CCDC191: variants seen among roughly 807,000 people sequenced by gnomAD.
CCDC191 encodes coiled-coil domain containing 191.
In CCDC191, 99 loss-of-function variants were observed where a neutral mutation model predicts 114.0. The observed-to-expected ratio is 0.87, with a 90% CI of 0.74 to 1.03. CCDC191 has a LOEUF of 1.03. CCDC191 is among the 50% of genes least tolerant of loss of function. The pLI, the probability that CCDC191 is intolerant of heterozygous loss-of-function variation, is 0.00. For synonymous variants in CCDC191, 351 were observed against 376.0 expected (o/e 0.93, Z 0.77); for missense variants, 973 against 1,087.0 (o/e 0.90, Z 1.47).
intron 4 of CCDC191, among the ~76,000 whole-genome samples, chr3:114,040,803 C>G (rs1366490942): frequency 6.6e-6 from 1 of 152,000 alleles, no homozygotes; most frequent in African/African-American, 2.4e-5. Context: ...AAAGCTTACA[C>G]TTATCATTTT....
intron 8 of CCDC191, among the ~76,000 whole-genome samples, chr3:114,012,443 T>C (rs1165457170): frequency 2.0e-5 from 3 of 152,216 alleles, no homozygotes; most frequent in African/African-American, 7.2e-5. Flanking sequence ...AATAAAAGTA[T>C]AATATAGGTG....
In CCDC191 at chr3:113,998,992, A is replaced by C. The variant is rs114449735; in HGVS notation, c.2163+2603T>G. 3.6e-3 allele frequency among the ~76,000 whole-genome samples: 553 copies of C among 152,258 alleles called. 4 individuals are homozygous for C. The highest frequency in any genetic ancestry group is 0.012 in the African/African-American group (516 of 41,558). Reference sequence around the variant, plus strand: ...CCAGAACCAGGTGGATTGATCGAACAATGGAATAGCCCTTTGAAGACTTAG... The same window carrying C: ...CCAGAACCAGGTGGATTGATCGAACCATGGAATAGCCCTTTGAAGACTTAG... On this transcript the variant is annotated intron_variant, in intron 13 of 16. Coordinates refer to ENST00000295878, the MANE Select transcript of CCDC191 (RefSeq NM_020817.2).
At chr3:114,053,795 A>C (rs770509071) in intron 1 of CCDC191, among the ~76,000 whole-genome samples, 160 bp from the exon 2 acceptor site, 15 of 152,262 alleles carry the variant, frequency 9.9e-5, no homozygotes, top group Non-Finnish European at 1.6e-4. Context: ...TAAAAGACAC[A>C]GAATAGCAGT....
At chr3:113,965,579 TTTTTA>T (rs1437262980) in intron 16 of CCDC191, among the ~76,000 whole-genome samples, 10 of 152,204 alleles carry the variant, frequency 6.6e-5, no homozygotes, top group Non-Finnish European at 1.3e-4. Context: ...GTTATTTTTA[TTTTTA>T]TTTTATTTTA....
At chr3:114,019,747 C>A (rs188553350) in intron 7 of CCDC191, among the ~76,000 whole-genome samples, 26 of 152,220 alleles carry the variant, frequency 1.7e-4, no homozygotes, top group Non-Finnish European at 3.7e-4. Flanking sequence ...TTGCACCAAC[C>A]TAATATTAAT....
rs1039334911 is a variant in CCDC191, at chr3:113,966,626, TGAAAC to T, written c.2607-1272_2607-1268del. On this transcript the variant is annotated intron_variant, in intron 16 of 16. Transcript: ENST00000295878. Reference sequence around the variant, plus strand: ...TGGTGTGTGTGTGGAGTTACAGTGTTGAAACGAAGTGCAGAGTAGTTAAGCTTATA... The same window carrying T: ...TGGTGTGTGTGTGGAGTTACAGTGTTGAAGTGCAGAGTAGTTAAGCTTATA... 1.3e-4 allele frequency among the ~76,000 whole-genome samples: 20 copies of T among 152,108 alleles called. 1 individual carries two copies. Among genetic ancestry groups the T allele is most frequent in the South Asian group, 6.2e-4 (3 of 4,822 alleles).
At chr3:113,983,995 A>C (rs1307992483) in intron 13 of CCDC191, 1 of 152,164 alleles carries the variant, frequency 6.6e-6, no homozygotes, top group Non-Finnish European at 1.5e-5. Flanking sequence ...CTTTTCTGGC[A>C]GGGTCATGGG....
At chr3:114,048,907 T>C (rs916846894) in intron 2 of CCDC191, among the ~76,000 whole-genome samples, 3 of 152,242 alleles carry the variant, frequency 2.0e-5, no homozygotes, top group African/African-American at 7.2e-5. Flanking sequence ...ATGAAAACTT[T>C]ATTCAGAAAA....
At chr3:114,008,370 C>T (rs2107675197) in intron 9 of CCDC191, among the ~76,000 whole-genome samples, 1 of 151,836 alleles carries the variant, frequency 6.6e-6, no homozygotes, top group East Asian at 1.9e-4. Flanking sequence ...TCCTGATCCC[C>T]CCTTGCTCAG....
intron 1 of CCDC191, 83 bp from the exon 2 acceptor site, chr3:114,053,718 C>A: frequency 1.2e-6 from 1 of 842,426 alleles, no homozygotes. Flanking sequence ...CTGACTAAAG[C>A]ATATGGAACA....
intron 9 of CCDC191, among the ~76,000 whole-genome samples, chr3:114,006,853 A>G (rs1449883569): frequency 6.6e-6 from 1 of 151,948 alleles, no homozygotes; most frequent in East Asian, 1.9e-4. Flanking sequence ...TTCAGCATCA[A>G]GGTCCCGTTA....
chr3:114,039,018 C>A (rs2076525402), intron 4 of CCDC191, among the ~76,000 whole-genome samples: 1 of 151,748 alleles, frequency 6.6e-6, no homozygotes, highest in Non-Finnish European at 1.5e-5. Context: ...GCACATGTAC[C>A]CTGGACTTAA....
At position 114,053,615 on chromosome 3, in the gene CCDC191, A is replaced by G; in HGVS notation, c.111T>C (p.Ser37=). 1.3e-6 allele frequency: 2 copies of G among 1,589,272 alleles called. No homozygotes were observed. Among genetic ancestry groups the G allele is most frequent in the Non-Finnish European group, 1.7e-6 (2 of 1,160,340 alleles). Residue 37 remains serine (S), a synonymous_variant, in exon 2 of 17, where the codon AGT becomes AGC. Transcript: ENST00000295878. ...PSPKPTFGPD[S]VEHWIKRVEK... ...TCCTTACCTTTATCCAGTGTTCCAC[A>G]CTGTCAGGACCAAAAGTAGGCTGTA...
intron 16 of CCDC191, among the ~76,000 whole-genome samples, chr3:113,973,898 C>G (rs1941068835): frequency 6.6e-6 from 1 of 151,182 alleles, no homozygotes; most frequent in Non-Finnish European, 1.5e-5. Flanking sequence ...TTCAAGTCCC[C>G]CTTCAACACC....
intron 9 of CCDC191, among the ~76,000 whole-genome samples, chr3:114,008,736 A>G (rs957246341): frequency 2.6e-5 from 4 of 152,176 alleles, no homozygotes; most frequent in African/African-American, 4.8e-5. Flanking sequence ...AACTCTTATA[A>G]ATAAGAAAAA....
In CCDC191 at chr3:113,976,970, G is replaced by C. The variant is rs763670317; in HGVS notation, c.2606+1216C>G. 3.9e-5 allele frequency among the ~76,000 whole-genome samples: 6 copies of C among 152,110 alleles called. No individual in the cohort carries two copies. In the South Asian group the frequency reaches 1.2e-3, roughly 31 times the overall value. On this transcript the variant is annotated intron_variant, in intron 16 of 16. Transcript: ENST00000295878. ...TGTTTTCCCACTCCACTGATTTCCA[G>C]TATCTGTGAATTAAACAAGGACAAA...
chr3:114,049,597 T>C (rs150024464), intron 2 of CCDC191, among the ~76,000 whole-genome samples: 311 of 151,978 alleles, frequency 2.0e-3, no homozygotes, highest in African/African-American at 7.1e-3. Context: ...GGTAGAGAGG[T>C]TGGGAGAGAA....
chr3:114,049,107 G>C (rs1357021276), intron 2 of CCDC191, among the ~76,000 whole-genome samples: 1 of 152,126 alleles, frequency 6.6e-6, no homozygotes, highest in African/African-American at 2.4e-5. Context: ...AAAAGTGAAG[G>C]GTAATTTGAA....
At chr3:114,034,840 G>T in intron 6 of CCDC191, 85 bp downstream of exon 6, 1 of 1,058,584 alleles carries the variant, frequency 9.4e-7, no homozygotes, top group Non-Finnish European at 1.4e-6. Context: ...GTTATTGAAT[G>T]TTTGTGCACT....
Sources: allele counts gnomAD v4.1 joint callset (sites outside exome capture counted in the v4.1 genomes callset), GRCh38; gene constraint gnomAD v4.1.1; transcripts MANE v1.5; gene names NCBI Gene and HGNC (gene_info 2026-07-23, HGNC 2026-07-21).